Variants in ADCK1 observed in about 807,000 individuals in gnomAD.
The protein encoded by ADCK1 is aarF domain-containing protein kinase 1.
In ADCK1, 41 loss-of-function variants were observed where a neutral mutation model predicts 52.3. The observed-to-expected ratio is 0.78, with a 90% CI of 0.61 to 1.02. The LOEUF (loss-of-function observed/expected upper bound fraction) is 1.02, where lower values mean the gene tolerates loss of function less well. ADCK1 is among the 50% of genes least tolerant of loss of function. The pLI is 0.00. For synonymous variants in ADCK1, 250 were observed against 274.6 expected (o/e 0.91, Z 0.89); for missense variants, 658 against 679.5 (o/e 0.97, Z 0.35).
chr14:77,933,567 C>A lies in ADCK1; in HGVS notation c.*176C>A. 1.5e-6 allele frequency: 1 copy of A among 688,564 alleles called. No individual in the cohort carries two copies. 42.7% of individuals were successfully genotyped at this position (688,564 alleles called of 1,614,324 possible). A position where few individuals can be genotyped will look rare whatever the true frequency, so the allele number is the denominator to read the frequency against. ...TCTCCGCACACTGTGGCCCTTGTCT[C>A]AGGGCCCACAAGCTGAACTGTGGCA... On this transcript the variant is annotated 3_prime_UTR_variant, in exon 11 of 11. Transcript: ENST00000238561.
At chr14:77,862,097 TG>T (rs1166187020) in intron 4 of ADCK1, among the ~76,000 whole-genome samples, 1 of 152,164 alleles carries the variant, frequency 6.6e-6, no homozygotes, top group South Asian at 2.1e-4. Context: ...AGCTTCTGTT[TG>T]GCAGGAAAAA....
At chr14:77,853,311 A>G (rs764172248) in intron 3 of ADCK1, among the ~76,000 whole-genome samples, 2 of 149,998 alleles carry the variant, frequency 1.3e-5, no homozygotes, top group Non-Finnish European at 3.0e-5. Flanking sequence ...GTAGAGATGG[A>G]GTTTTGCCAT....
chr14:77,924,606 G>A lies in ADCK1; in HGVS notation c.1008G>A (p.Gln336=), dbSNP rs1290325032. The change falls in exon 8 of 11, where the codon CAG becomes CAA. Residue 336 remains glutamine (Q), a splice_region_variant and synonymous_variant. Coordinates refer to ENST00000238561, the MANE Select transcript of ADCK1 (RefSeq NM_020421.4). ...TCCTGTTGGACCATGGGCTTTACCAGGTAGAAGAGGCCTTTGTTACCCAGC... is the reference window on the plus strand; with the variant it reads ...TCCTGTTGGACCATGGGCTTTACCAAGTAGAAGAGGCCTTTGTTACCCAGC... ...EIVLLDHGLY[Q]MLTEEFRLNY... is the part of the protein sequence containing the mutation. The A allele has an allele frequency of 6.2e-7, 1 of 1,612,624 alleles. No homozygotes were observed. The highest frequency in any genetic ancestry group is 8.5e-7 in the Non-Finnish European group (1 of 1,180,020).
At chr14:77,806,971 TC>T (rs2081237052) in intron 1 of ADCK1, among the ~76,000 whole-genome samples, 1 of 143,838 alleles carries the variant, frequency 7.0e-6, no homozygotes, top group Non-Finnish European at 1.5e-5. Flanking sequence ...CGTCTCAGCC[TC>T]CCAAAGCGTT....
At chr14:77,900,656 G>A (rs1367691092) in intron 6 of ADCK1, 7 of 452,000 alleles carry the variant, frequency 1.5e-5, no homozygotes, top group Non-Finnish European at 2.7e-5. Flanking sequence ...GTGACTCACC[G>A]ACTCGCAGCG....
chr14:77,866,162 C>T (rs927252773), intron 4 of ADCK1, among the ~76,000 whole-genome samples: 1 of 152,142 alleles, frequency 6.6e-6, no homozygotes, highest in African/African-American at 2.4e-5. Context: ...ATGGTATAGC[C>T]TGTTCTTTTC....
chr14:77,822,341 C>T, intron 2 of ADCK1, 94 bp from the exon 3 acceptor site: 1 of 973,972 alleles, frequency 1.0e-6, no homozygotes. Context: ...CCAGACATAG[C>T]AGCTGTGTCA....
At chr14:77,898,929 A>C (rs2083469198) in intron 5 of ADCK1, among the ~76,000 whole-genome samples, 171 bp from the exon 6 acceptor site, 1 of 152,196 alleles carries the variant, frequency 6.6e-6, no homozygotes, top group South Asian at 2.1e-4. Flanking sequence ...GCAGAGTACC[A>C]AGCTTATGGG....
At chr14:77,836,733 A>G (rs1287931067) in intron 3 of ADCK1, among the ~76,000 whole-genome samples, 9 of 150,662 alleles carry the variant, frequency 6.0e-5, no homozygotes, top group African/African-American at 1.5e-4. Flanking sequence ...AATCTCTGCA[A>G]TCTAAGCCTC....
intron 4 of ADCK1, among the ~76,000 whole-genome samples, chr14:77,884,013 C>T (rs1314071072): frequency 1.3e-5 from 2 of 152,198 alleles, no homozygotes; most frequent in African/African-American, 4.8e-5. Context: ...CCCTCACCTC[C>T]CTGTGGGGTG....
chr14:77,845,604 T>C (rs961345491), intron 3 of ADCK1, among the ~76,000 whole-genome samples: 1 of 152,106 alleles, frequency 6.6e-6, no homozygotes, highest in Non-Finnish European at 1.5e-5. Context: ...TTTGTATTTT[T>C]AGTAGAGATG....
intron 7 of ADCK1, among the ~76,000 whole-genome samples, chr14:77,912,251 A>G (rs2083808447): frequency 6.6e-6 from 1 of 152,122 alleles, no homozygotes; most frequent in African/African-American, 2.4e-5. Context: ...AGATGATGTT[A>G]TTAAATACTT....
intron 8 of ADCK1, among the ~76,000 whole-genome samples, chr14:77,925,364 C>T (rs1284065597): frequency 1.3e-5 from 2 of 152,192 alleles, no homozygotes; most frequent in African/African-American, 4.8e-5. Context: ...ATGGTGCTGG[C>T]AGCTGGCGGC....
chr14:77,874,287 G>T (rs2140173711), intron 4 of ADCK1, among the ~76,000 whole-genome samples: 1 of 152,330 alleles, frequency 6.6e-6, no homozygotes, highest in East Asian at 1.9e-4. Flanking sequence ...AAAGAGGTCA[G>T]CACAAGAAGA....
intron 3 of ADCK1, among the ~76,000 whole-genome samples, chr14:77,833,548 T>G (rs1376752924): frequency 6.6e-6 from 1 of 152,122 alleles, no homozygotes. Flanking sequence ...GGAGACAGAG[T>G]CTGTGAGTCT....
Position 77,884,867 on chromosome 14 carries a change from T to C in ADCK1, c.424-2224T>C, listed in dbSNP as rs572914328. Among the ~76,000 whole-genome samples, 39 of 152,378 alleles carry C rather than the reference T, an allele frequency of 2.6e-4. 1 individual carries two copies. In the South Asian group the frequency reaches 5.2e-3, roughly 20 times the overall value. On this transcript the variant is annotated intron_variant, in intron 4 of 10. Transcript: ENST00000238561. ...TGGCCAGAGATATTCAGGGTCCTGA[T>C]TGGCCAGGCCAGGGCCTCACACCTG...
intron 3 of ADCK1, among the ~76,000 whole-genome samples, chr14:77,831,749 C>A (rs1017828742): frequency 6.6e-6 from 1 of 151,970 alleles, no homozygotes; most frequent in Non-Finnish European, 1.5e-5. Flanking sequence ...GCCACAATGC[C>A]CAGCCTCCTG....
Position 77,933,529 on chromosome 14 carries a change from T to C in ADCK1, c.*138T>C. On this transcript the variant is annotated 3_prime_UTR_variant, in exon 11 of 11. Coordinates refer to ENST00000238561, the MANE Select transcript of ADCK1 (RefSeq NM_020421.4). The stretch of plus-strand genomic sequence containing the variant: ...ACTGTCCATGTCACCATCCTTCTCC[T>C]CCTTTGGAATCCTCTCCGCACACTG... 2.0e-6 allele frequency: 2 copies of C among 995,386 alleles called. No individual in the cohort carries two copies. Among genetic ancestry groups the C allele is most frequent in the Non-Finnish European group, 3.0e-6 (2 of 658,266 alleles). 61.7% of individuals were successfully genotyped at this position (995,386 alleles called of 1,614,324 possible).
At chr14:77,924,361 C>G (rs2140293419) in intron 7 of ADCK1, 96 bp from the exon 8 acceptor site, 1 of 1,496,660 alleles carries the variant, frequency 6.7e-7, no homozygotes, top group Non-Finnish European at 9.0e-7. Context: ...TTTCTCTGGC[C>G]TCCCCTTAAA....
Sources: allele counts gnomAD v4.1 joint callset (sites outside exome capture counted in the v4.1 genomes callset), GRCh38; gene constraint gnomAD v4.1.1; transcripts MANE v1.5; gene names NCBI Gene and HGNC (gene_info 2026-07-23, HGNC 2026-07-21).